KCNK18: variants seen among roughly 807,000 people sequenced by gnomAD.
KCNK18 encodes potassium two pore domain channel subfamily K member 18.
Under a neutral mutation model 11.8 loss-of-function variants are expected in KCNK18, and 8 were observed. That is an observed-to-expected ratio of 0.68 (90% CI 0.40 to 1.22). The LOEUF (loss-of-function observed/expected upper bound fraction) is 1.22, where lower values mean the gene tolerates loss of function less well. KCNK18 is among the 50% of genes most tolerant of loss of function. The pLI, the probability that KCNK18 is intolerant of heterozygous loss-of-function variation, is 0.01. For missense variants in KCNK18, 442 were observed against 465.4 expected (o/e 0.95, Z 0.46); for synonymous variants, 208 against 185.8 (o/e 1.12, Z -0.97).
In KCNK18 at chr10:117,209,924, ACT is replaced by A. The variant is rs1319907188; in HGVS notation, c.784_785del (p.Ser262IlefsTer9). The A allele has an allele frequency of 2.5e-6, 4 of 1,614,014 alleles. No individual in the cohort carries two copies. Among genetic ancestry groups the A allele is most frequent in the Non-Finnish European group, 3.4e-6 (4 of 1,180,008 alleles). On this transcript the variant is annotated frameshift_variant, in exon 3 of 3. Coordinates refer to ENST00000334549, the MANE Select transcript of KCNK18 (RefSeq NM_181840.1). LOFTEE classifies it low-confidence loss of function (END_TRUNC). ...NSCPELVLGR[L>X]SYSIISNLDE... The stretch of plus-strand genomic sequence containing the variant: ...CGTGTCCCGAACTGGTGTTGGGAAG[ACT>A]CTCATACTCCATCATCAGCAACCTG...
At chr10:117,201,035 T>C in intron 1 of KCNK18, 124 bp from the exon 2 acceptor site, 2 of 1,168,064 alleles carry the variant, frequency 1.7e-6, no homozygotes, top group South Asian at 1.2e-5. Flanking sequence ...AGCTTTGGTG[T>C]TGATACTGAC....
chr10:117,205,544 C>A (rs542318374), intron 2 of KCNK18, among the ~76,000 whole-genome samples: 23 of 152,290 alleles, frequency 1.5e-4, no homozygotes, highest in African/African-American at 5.1e-4. Flanking sequence ...GCTCAAATCC[C>A]AGCTCCTTTC....
intron 2 of KCNK18, among the ~76,000 whole-genome samples, chr10:117,205,436 A>G (rs941532983): frequency 6.6e-6 from 1 of 152,112 alleles, no homozygotes; most frequent in African/African-American, 2.4e-5. Context: ...AAAGTATCTC[A>G]CCCAGAGGCA....
chr10:117,205,287 T>C (rs1229456333), intron 2 of KCNK18, among the ~76,000 whole-genome samples: 2 of 152,196 alleles, frequency 1.3e-5, no homozygotes, highest in Non-Finnish European at 2.9e-5. Context: ...TTCTAAGAAA[T>C]AATGAGTTCC....
chr10:117,201,274 GTT>G lies in KCNK18; in HGVS notation c.340_341del (p.Phe114GlnfsTer50). On this transcript the variant is annotated frameshift_variant, in exon 2 of 3. Transcript: ENST00000334549. LOFTEE classifies it low-confidence loss of function (END_TRUNC). ...LSSLFFCCTV[F>X]STVGYGYIYP... ...GCTCGCTCTTTTTCTGCTGCACGGT[GTT>G]CAGCACCGTGGGTAAGTGCAAAGCC... 6.2e-7 allele frequency: 1 copy of G among 1,613,550 alleles called. No individual in the cohort carries two copies. Among genetic ancestry groups the G allele is most frequent in the South Asian group, 1.1e-5 (1 of 91,058 alleles).
chr10:117,202,519 C>G (rs1240289542), intron 2 of KCNK18, among the ~76,000 whole-genome samples: 1 of 152,212 alleles, frequency 6.6e-6, no homozygotes, highest in South Asian at 2.1e-4. Flanking sequence ...ATCCTTCTGC[C>G]CACTGGGCCA....
At chr10:117,198,302 T>G (rs979061095) in intron 1 of KCNK18, among the ~76,000 whole-genome samples, 2 of 150,896 alleles carry the variant, frequency 1.3e-5, no homozygotes, top group African/African-American at 4.9e-5. Context: ...GGGGTGGGGG[T>G]CCTGGCTGTT....
intron 2 of KCNK18, among the ~76,000 whole-genome samples, chr10:117,204,395 A>G (rs1482164987): frequency 2.0e-5 from 3 of 152,126 alleles, no homozygotes; most frequent in African/African-American, 7.2e-5. Context: ...TGTGCAATGT[A>G]GGATGTTGAG....
chr10:117,206,576 T>TC (rs1167643741), intron 2 of KCNK18, among the ~76,000 whole-genome samples: 1 of 152,070 alleles, frequency 6.6e-6, no homozygotes, highest in African/African-American at 2.4e-5. Flanking sequence ...ATCAAGGCAC[T>TC]CCCCCATCTG....
chr10:117,209,377 A>C (rs572414859), intron 2 of KCNK18, 120 bp from the exon 3 acceptor site: 2 of 897,632 alleles, frequency 2.2e-6, no homozygotes, highest in Admixed American at 1.7e-5. Context: ...GAGTATTTTC[A>C]AAAACAATGT....
intron 2 of KCNK18, among the ~76,000 whole-genome samples, chr10:117,203,595 A>C (rs1169615290): frequency 6.6e-6 from 1 of 152,224 alleles, no homozygotes; most frequent in Non-Finnish European, 1.5e-5. Flanking sequence ...ACTGGAGTGC[A>C]ATGGTGCCAT....
chr10:117,209,314 C>T (rs1855113251), intron 2 of KCNK18, among the ~76,000 whole-genome samples, 183 bp from the exon 3 acceptor site: 1 of 152,164 alleles, frequency 6.6e-6, no homozygotes, highest in Non-Finnish European at 1.5e-5. Context: ...TCACTCCTTT[C>T]CCTCCCACCA....
chr10:117,204,270 CA>C (rs61016831), intron 2 of KCNK18, among the ~76,000 whole-genome samples: 1,598 of 116,478 alleles, frequency 0.014, 23 homozygotes, highest in African/African-American at 0.047. Flanking sequence ...GGCAGAGTCT[CA>C]AAAAAAAAAA....
At chr10:117,205,875 C>A (rs57262314) in intron 2 of KCNK18, among the ~76,000 whole-genome samples, 8,939 of 152,124 alleles carry the variant, frequency 0.059, 438 homozygotes, top group Admixed American at 0.16. Flanking sequence ...CATGGTGAAA[C>A]CTTGTCTCTA....
At chr10:117,197,749 G>A (rs370120362) in intron 1 of KCNK18, 38 bp downstream of exon 1, 213 of 1,575,406 alleles carry the variant, frequency 1.4e-4, no homozygotes, top group Non-Finnish European at 1.7e-4. Flanking sequence ...CCTTTTCTCC[G>A]TGGTGGCAGC....
At chr10:117,200,980 G>GT (rs1855007305) in intron 1 of KCNK18, among the ~76,000 whole-genome samples, 179 bp from the exon 2 acceptor site, 2 of 152,196 alleles carry the variant, frequency 1.3e-5, no homozygotes, top group African/African-American at 4.8e-5. Context: ...ACTGAAGGCA[G>GT]GACCCAGGCT....
At chr10:117,198,868 C>T (rs757825507) in intron 1 of KCNK18, among the ~76,000 whole-genome samples, 3 of 152,206 alleles carry the variant, frequency 2.0e-5, no homozygotes, top group Non-Finnish European at 2.9e-5. Flanking sequence ...AGGGACACTG[C>T]ACCATCGCAG....
intron 2 of KCNK18, 69 bp from the exon 3 acceptor site, chr10:117,209,428 C>A (rs914167091): frequency 7.6e-7 from 1 of 1,309,884 alleles, no homozygotes; most frequent in Non-Finnish European, 1.1e-6. Flanking sequence ...CAGAAGGTCT[C>A]TTTAAAGCTT....
intron 2 of KCNK18, among the ~76,000 whole-genome samples, chr10:117,208,888 C>T (rs1164020471): frequency 6.6e-6 from 1 of 151,918 alleles, no homozygotes; most frequent in African/African-American, 2.4e-5. Context: ...CTACAGGCGC[C>T]CTACACCATG....
Sources: gnomAD v4.1 joint callset for allele counts (sites outside exome capture counted in the v4.1 genomes callset) on GRCh38, gnomAD v4.1.1 for gene constraint, MANE v1.5 for transcripts, NCBI Gene and HGNC (gene_info 2026-07-23, HGNC 2026-07-21) for gene names.